CLSTN2: variants seen among roughly 807,000 people sequenced by gnomAD.
CLSTN2 encodes calsyntenin 2, also known as calsyntenin-2.
In CLSTN2, 48 loss-of-function variants were observed where a neutral mutation model predicts 101.2. The ratio of observed to expected loss-of-function variants is 0.47; its 90% confidence interval spans 0.38 to 0.60. The LOEUF is 0.60. Ranked by LOEUF, CLSTN2 falls within the 20% of genes least tolerant of loss-of-function variation. The pLI is 0.00. For synonymous variants in CLSTN2, 481 were observed against 463.6 expected (o/e 1.04, Z -0.48); for missense variants, 1,160 against 1,238.2 (o/e 0.94, Z 0.95).
chr3:140,360,295 C>G (rs1486165817), intron 2 of CLSTN2, among the ~76,000 whole-genome samples: 1 of 152,002 alleles, frequency 6.6e-6, no homozygotes, highest in Non-Finnish European at 1.5e-5. Context: ...GTGCTGACAC[C>G]CTGGCAGGCA....
intron 10 of CLSTN2, among the ~76,000 whole-genome samples, chr3:140,551,699 A>T (rs1161039793): frequency 1.3e-5 from 2 of 152,084 alleles, no homozygotes; most frequent in Non-Finnish European, 2.9e-5. Context: ...CTTGGGCAAG[A>T]CACGTTAATC....
intron 2 of CLSTN2, among the ~76,000 whole-genome samples, chr3:140,308,578 G>C (rs1227001607): frequency 2.0e-5 from 3 of 152,220 alleles, no homozygotes; most frequent in Non-Finnish European, 4.4e-5. Context: ...CAATTCTGAA[G>C]CATTGTGTGA....
At chr3:140,483,503 A>G (rs1934171615) in intron 8 of CLSTN2, among the ~76,000 whole-genome samples, 1 of 152,018 alleles carries the variant, frequency 6.6e-6, no homozygotes, top group Admixed American at 6.5e-5. Flanking sequence ...ATCCTTGTTA[A>G]CTTTCTGTCG....
At chr3:140,320,739 T>C (rs72991711) in intron 2 of CLSTN2, among the ~76,000 whole-genome samples, 2,754 of 152,212 alleles carry the variant, frequency 0.018, 75 homozygotes, top group African/African-American at 0.061. Flanking sequence ...ACAAGTTCAT[T>C]GTTAGCTGGA....
chr3:140,513,583 C>CTTTTTT (rs55778787), intron 8 of CLSTN2, among the ~76,000 whole-genome samples: 472 of 117,520 alleles, frequency 4.0e-3, no homozygotes, highest in African/African-American at 0.01. Context: ...TTTTTTCTTT[C>CTTTTTT]TTTTTTTTTT....
intron 1 of CLSTN2, among the ~76,000 whole-genome samples, chr3:140,084,355 A>G (rs115418440): frequency 5.3e-5 from 8 of 152,338 alleles, no homozygotes; most frequent in African/African-American, 1.9e-4. Context: ...AGTACTGGGC[A>G]GGGAATAGGA....
At chr3:140,181,939 T>C (rs76269284) in intron 2 of CLSTN2, among the ~76,000 whole-genome samples, 12 of 152,336 alleles carry the variant, frequency 7.9e-5, no homozygotes, top group Admixed American at 2.6e-4. Flanking sequence ...GTAGGACTTA[T>C]GTCATTGGAA....
At chr3:140,265,164 G>A (rs1025265845) in intron 2 of CLSTN2, among the ~76,000 whole-genome samples, 2 of 152,192 alleles carry the variant, frequency 1.3e-5, no homozygotes, top group African/African-American at 2.4e-5. Flanking sequence ...GAAGAACCAG[G>A]AATTGGGCCC....
At chr3:140,437,316 G>C (rs1309011400) in intron 5 of CLSTN2, among the ~76,000 whole-genome samples, 4 of 152,094 alleles carry the variant, frequency 2.6e-5, no homozygotes, top group Non-Finnish European at 5.9e-5. Flanking sequence ...CCAAAGTGCT[G>C]GGATTACAGG....
At chr3:140,422,817 A>C (rs2088520330) in intron 5 of CLSTN2, among the ~76,000 whole-genome samples, 1 of 152,198 alleles carries the variant, frequency 6.6e-6, no homozygotes, top group Non-Finnish European at 1.5e-5. Flanking sequence ...TGAATTTCTC[A>C]AGCTTGGTGC....
rs76684368 is a variant in CLSTN2, at chr3:140,120,371, G to A, written c.110-55580G>A. ...ACATGTAGAGTGAGGTATGGGGAAA[G>A]GCACAGAGCTTCTATGTCCTCCCTG... On this transcript the variant is annotated intron_variant, in intron 1 of 16. Transcript: ENST00000458420. 8.4e-3 allele frequency among the ~76,000 whole-genome samples: 1,283 copies of A among 152,298 alleles called. 19 individuals carry two copies. Among genetic ancestry groups the A allele is most frequent in the African/African-American group, 0.03 (1,231 of 41,564 alleles).
At chr3:140,114,149 A>G (rs1000407236) in intron 1 of CLSTN2, among the ~76,000 whole-genome samples, 2 of 152,128 alleles carry the variant, frequency 1.3e-5, no homozygotes, top group African/African-American at 4.8e-5. Context: ...GCCAGAGCTC[A>G]TGTCACTCTC....
intron 1 of CLSTN2, among the ~76,000 whole-genome samples, chr3:140,006,911 T>C (rs530570599): frequency 6.6e-6 from 1 of 152,298 alleles, no homozygotes; most frequent in South Asian, 2.1e-4. Flanking sequence ...GAAACCACTC[T>C]AATATCAGAA....
chr3:140,006,072 T>C (rs1226549232), intron 1 of CLSTN2, among the ~76,000 whole-genome samples: 2 of 152,214 alleles, frequency 1.3e-5, no homozygotes, highest in African/African-American at 4.8e-5. Flanking sequence ...TGATATTCAA[T>C]ATAATATACA....
At chr3:139,973,953 A>C (rs1040580550) in intron 1 of CLSTN2, among the ~76,000 whole-genome samples, 1 of 152,186 alleles carries the variant, frequency 6.6e-6, no homozygotes, top group East Asian at 1.9e-4. Context: ...GGTACTTTCA[A>C]GAAGCTGATA....
intron 2 of CLSTN2, among the ~76,000 whole-genome samples, chr3:140,309,731 C>T (rs2087147059): frequency 6.6e-6 from 1 of 152,084 alleles, no homozygotes; most frequent in Admixed American, 6.5e-5. Context: ...AATTATTCCC[C>T]CGTGACTAAG....
rs573208212 is a variant in CLSTN2 at position 140,576,783 on chromosome 3, A to G, written c.*10530A>G. 8 of 152,356 alleles carry G rather than the reference A, an allele frequency of 5.3e-5. No individual in the cohort carries two copies. The highest frequency in any genetic ancestry group is 1.9e-4 in the African/African-American group (8 of 41,582). The allele number at this position is 152,356 out of a possible 1,614,324, so 9.4% of individuals were successfully genotyped here. The stretch of plus-strand genomic sequence containing the variant: ...GTGGACCAGTGTGTACCTGACATGT[A>G]TCAGACTTCTGAGCTCTTCAAGCTG... On this transcript the variant is annotated 3_prime_UTR_variant, in exon 17 of 17. Transcript: ENST00000458420.
chr3:139,972,712 G>A (rs759698439), intron 1 of CLSTN2, among the ~76,000 whole-genome samples: 5 of 152,208 alleles, frequency 3.3e-5, no homozygotes, highest in Non-Finnish European at 5.9e-5. Flanking sequence ...CTCCCACAGT[G>A]AAGGGGATTC....
chr3:140,010,164 G>T (rs2007042785), intron 1 of CLSTN2, among the ~76,000 whole-genome samples: 1 of 152,148 alleles, frequency 6.6e-6, no homozygotes, highest in Non-Finnish European at 1.5e-5. Context: ...AATATTTGTT[G>T]AATGAATAAA....
Sources: gnomAD v4.1 joint callset for allele counts (sites outside exome capture counted in the v4.1 genomes callset) on GRCh38, gnomAD v4.1.1 for gene constraint, MANE v1.5 for transcripts, NCBI Gene and HGNC (gene_info 2026-07-23, HGNC 2026-07-21) for gene names.